OTC: variants seen among roughly 807,000 people sequenced by gnomAD.
OTC encodes the protein ornithine transcarbamylase, also known as ornithine transcarbamylase, mitochondrial.
Under a neutral mutation model 30.3 loss-of-function variants are expected in OTC, and 3 were observed. That is an observed-to-expected ratio of 0.10 (90% CI 0.05 to 0.26). The LOEUF is 0.26. OTC is among the 10% of genes least tolerant of loss of function. The pLI is 1.00. For missense variants in OTC, 194 were observed against 260.3 expected, an observed-to-expected ratio of 0.75 and a Z score of 1.75; for synonymous variants, 111 against 99.7, an observed-to-expected ratio of 1.11 and a Z score of -0.67.
At chrX:38,328,343 C>T in the OTC span, among the ~76,000 whole-genome samples, 2 of 112,375 alleles carry the variant, frequency 1.8e-5, no homozygotes, top group South Asian at 7.3e-4. Context: ...TTTGCATTAA[C>T]ATGAAGAGGG....
intron 3 of OTC, among the ~76,000 whole-genome samples, chrX:38,373,023 A>G (rs1356344122): frequency 8.9e-6 from 1 of 112,259 alleles, no homozygotes; most frequent in African/African-American, 3.2e-5. Context: ...GACCATAGTA[A>G]TTGTTTATGT....
In OTC at chrX:38,367,506, GA is replaced by G. The variant is rs757152442; in HGVS notation, c.216+84del. 2.1e-4 allele frequency: 181 copies of G among 879,617 alleles called. No homozygotes were observed. In the African/African-American group the frequency reaches 2.7e-3, roughly 13 times the overall value. The allele number at this position is 879,617 out of a possible 1,213,427, so 72.5% of individuals were successfully genotyped here. A position where few individuals can be genotyped will look rare whatever the true frequency, so the allele number is the denominator to read the frequency against. ...AAGGCAGCCTTCCCAAAGAAAGAGGGAAAAAAATACATTAAAATTCTTAAAC... is the reference window on the plus strand; with the variant it reads ...AAGGCAGCCTTCCCAAAGAAAGAGGGAAAAAATACATTAAAATTCTTAAAC... On this transcript the variant is annotated intron_variant, in intron 2 of 9. Coordinates refer to ENST00000039007, the MANE Select transcript of OTC (RefSeq NM_000531.6).
chrX:38,399,225 A>C (rs779859023), intron 4 of OTC, among the ~76,000 whole-genome samples: 67 of 111,573 alleles, frequency 6.0e-4, no homozygotes, highest in Non-Finnish European at 1.1e-3. Context: ...ATTCTGCTTC[A>C]GTAAATCTGG....
At chrX:38,360,990 T>C (rs1047466277) in intron 1 of OTC, among the ~76,000 whole-genome samples, 2 of 111,859 alleles carry the variant, frequency 1.8e-5, no homozygotes, top group Non-Finnish European at 3.8e-5. Context: ...GATAAACCCA[T>C]GGGCATTTTA....
chrX:38,347,655 G>A, upstream of OTC, among the ~76,000 whole-genome samples: 1 of 112,172 alleles, frequency 8.9e-6, no homozygotes. Flanking sequence ...TCTCAAATTT[G>A]CAGTATTTTT....
intron 3 of OTC, among the ~76,000 whole-genome samples, chrX:38,378,240 C>T (rs933365043): frequency 6.0e-5 from 6 of 100,114 alleles, no homozygotes; most frequent in Non-Finnish European, 1.2e-4. Flanking sequence ...ATCCATCTTC[C>T]TCAGGTCTTT....
At chrX:38,370,902 AG>A (rs1199195112) in intron 3 of OTC, among the ~76,000 whole-genome samples, 14 of 111,334 alleles carry the variant, frequency 1.3e-4, no homozygotes, top group African/African-American at 4.6e-4. Flanking sequence ...CATTAGGCAC[AG>A]AGGTACTACA....
intron 4 of OTC, among the ~76,000 whole-genome samples, chrX:38,388,173 T>A (rs2068413222): frequency 8.9e-6 from 1 of 111,957 alleles, no homozygotes; most frequent in Non-Finnish European, 1.9e-5. Context: ...GTATGTTATA[T>A]CCATGGGAAG....
the OTC span, among the ~76,000 whole-genome samples, chrX:38,334,650 A>G: frequency 3.6e-5 from 4 of 112,611 alleles, no homozygotes; most frequent in South Asian, 1.1e-3. Flanking sequence ...TATTGTGTAT[A>G]TTGTAAAGCA....
the OTC span, among the ~76,000 whole-genome samples, chrX:38,338,848 G>A: frequency 5.4e-5 from 6 of 111,973 alleles, no homozygotes; most frequent in Non-Finnish European, 1.1e-4. Context: ...ACCATGGCAA[G>A]GCCTTGCTAG....
intron 6 of OTC, 114 bp from the exon 7 acceptor site, chrX:38,408,628 G>T: frequency 1.9e-6 from 1 of 521,977 alleles, no homozygotes; most frequent in South Asian, 3.0e-5. Context: ...AACATGGTGG[G>T]ACCACATCTT....
intron 8 of OTC, among the ~76,000 whole-genome samples, chrX:38,409,898 T>G (rs1286943073): frequency 8.9e-6 from 1 of 112,237 alleles, no homozygotes; most frequent in East Asian, 2.8e-4. Context: ...TCCCATCTCT[T>G]TAACAGAGAC....
chrX:38,407,277 G>A (rs1355330493), intron 6 of OTC, among the ~76,000 whole-genome samples: 1 of 112,355 alleles, frequency 8.9e-6, no homozygotes, highest in Non-Finnish European at 1.9e-5. Context: ...TGTGACCTTG[G>A]GTGCGGCTGC....
At chrX:38,355,174 C>T (rs1052624463) in intron 1 of OTC, among the ~76,000 whole-genome samples, 2 of 111,690 alleles carry the variant, frequency 1.8e-5, no homozygotes, top group African/African-American at 6.5e-5. Flanking sequence ...TTAAGTGAGG[C>T]TGAAGCCATC....
At chrX:38,407,865 T>C (rs1469935736) in intron 6 of OTC, among the ~76,000 whole-genome samples, 2 of 111,300 alleles carry the variant, frequency 1.8e-5, no homozygotes, top group African/African-American at 3.3e-5. Flanking sequence ...ACAGAATAGG[T>C]TGGAGAGTGA....
intron 3 of OTC, among the ~76,000 whole-genome samples, chrX:38,378,251 A>G (rs2068358738): frequency 1.0e-5 from 1 of 100,421 alleles, no homozygotes; most frequent in South Asian, 5.0e-4. Context: ...TCAGGTCTTT[A>G]CTCAAAAGTC....
At chrX:38,387,229 T>G (rs2068408387) in intron 4 of OTC, among the ~76,000 whole-genome samples, 1 of 111,979 alleles carries the variant, frequency 8.9e-6, no homozygotes, top group Admixed American at 9.5e-5. Context: ...TGCAAATATT[T>G]TCTCCCATTC....
At chrX:38,366,405 C>T (rs1414016579) in intron 1 of OTC, among the ~76,000 whole-genome samples, 1 of 111,314 alleles carries the variant, frequency 9.0e-6, no homozygotes, top group East Asian at 2.8e-4. Flanking sequence ...TTACAGCGTC[C>T]ATTGTATTTT....
At chrX:38,348,682 A>G (rs1040581415), upstream of OTC, among the ~76,000 whole-genome samples, 2 of 108,544 alleles carry the variant, frequency 1.8e-5, no homozygotes, top group Middle Eastern at 4.7e-3. Context: ...GACTACAGGC[A>G]CCCGCCACCA....
Sources: gnomAD v4.1 joint callset for allele counts (sites outside exome capture counted in the v4.1 genomes callset) on GRCh38, gnomAD v4.1.1 for gene constraint, MANE v1.5 for transcripts, NCBI Gene and HGNC (gene_info 2026-07-23, HGNC 2026-07-21) for gene names.